Variants in BAG6 observed in about 807,000 individuals in gnomAD.
BAG6 encodes large proline-rich protein BAG6.
In BAG6, 22 loss-of-function variants were observed where a neutral mutation model predicts 121.0. The observed-to-expected ratio is 0.18, with a 90% confidence interval of 0.13 to 0.26. The LOEUF (loss-of-function observed/expected upper bound fraction) is 0.26. BAG6 is among the 10% of genes least tolerant of loss of function. BAG6 has a pLI of 1.00. For missense variants in BAG6, 1,233 were observed against 1,537.7 expected (o/e 0.80, Z 3.31); for synonymous variants, 583 against 584.6 (o/e 1.00, Z 0.04).
In BAG6 at chr6:31,648,717, T is replaced by C. The variant is rs1443887474; in HGVS notation, c.512A>G (p.His171Arg). 6.2e-7 allele frequency: 1 copy of C among 1,614,098 alleles called. No homozygotes were observed. Among genetic ancestry groups the C allele is most frequent in the Admixed American group, 1.7e-5 (1 of 60,002 alleles). ...TAAGGTCTGTATATCCCTGATCATGTGCTGAGCCATCACCAGCCGTACCCG... is the reference window on the plus strand; with the variant it reads ...TAAGGTCTGTATATCCCTGATCATGCGCTGAGCCATCACCAGCCGTACCCG... ...EPRVRLVMAQ[H>R]MIRDIQTLLS... Residue 171 changes from histidine (H) to arginine (R), a missense_variant, in exon 6 of 26, where the codon CAC (histidine) becomes CGC (arginine). By Grantham distance (29) the His-to-Arg change is conservative. Coordinates refer to ENST00000676615, the MANE Select transcript of BAG6 (RefSeq NM_001387994.1).
rs985413078 is a variant in BAG6, at chr6:31,640,451, C to T, written c.3072G>A (p.Gly1024=). 6.2e-7 allele frequency: 1 copy of T among 1,613,576 alleles called. No homozygotes were observed. Among genetic ancestry groups the T allele is most frequent in the Admixed American group, 1.7e-5 (1 of 60,024 alleles). ...CTCCATCCTGTTCATCCCGGGAGCC[C>T]CCCTCAGGAGCAGGAGGTGGACCTC... ...MSRGPPPAPE[G]GSRDEQDGAS... The change falls in exon 23 of 26, where the codon GGG becomes GGA. Residue 1024 remains glycine (G), a synonymous_variant. Coordinates refer to ENST00000676615, the MANE Select transcript of BAG6 (RefSeq NM_001387994.1). This position sits in a 1 kb window ranked among gnomAD's most constrained non-coding sequence, Gnocchi z 4.2.
chr6:31,647,373 A>G (rs1414235899), intron 7 of BAG6, among the ~76,000 whole-genome samples: 1 of 152,140 alleles, frequency 6.6e-6, no homozygotes, highest in Non-Finnish European at 1.5e-5. Context: ...AGGAGATACC[A>G]TTTGGATTTC....
intron 2 of BAG6, among the ~76,000 whole-genome samples, chr6:31,651,247 T>G (rs3115669): frequency 0.91 from 139,167 of 152,328 alleles, 63,784 homozygotes; most frequent in East Asian, 1. Context: ...TCAATAAAAA[T>G]AAAATCTGAG....
rs1786320735 is a variant in BAG6 at position 31,644,303 on chromosome 6, T to C, written c.1555+4A>G. Reference sequence around the variant, plus strand: ...CTCCCAAGCCTCCCCTTCCAGGTCATTACCTGCGGCCGCGGAGGCAACAGC... The same window carrying C: ...CTCCCAAGCCTCCCCTTCCAGGTCACTACCTGCGGCCGCGGAGGCAACAGC... On this transcript the variant is annotated splice_donor_region_variant and intron_variant, in intron 12 of 25. Transcript: ENST00000676615. The surrounding 1 kb of genome is among the most constrained non-coding windows in gnomAD (Gnocchi z 4.9). The C allele has an allele frequency of 1.3e-6, 2 of 1,552,566 alleles. No individual in the cohort carries two copies. Among genetic ancestry groups the C allele is most frequent in the South Asian group, 1.2e-5 (1 of 84,298 alleles).
At chr6:31,651,604 C>T in intron 2 of BAG6, 52 bp downstream of exon 2, 1 of 1,502,798 alleles carries the variant, frequency 6.7e-7, no homozygotes, top group Non-Finnish European at 9.3e-7. Flanking sequence ...GGCTAAGGGG[C>T]CTAAACGAGG....
Position 31,642,278 on chromosome 6 carries a change from A to T in BAG6, c.2169T>A (p.Leu723=), listed in dbSNP as rs752719899. The part of the protein sequence containing the change: ...GGAGSPGGLG[L]ESLSPEFFTS... ...TAAAAAACTCCGGTGACAGGCTCTC[A>T]AGACCCAGGCCTCCAGGACTCCCTG... Residue 723 remains leucine (L), a synonymous_variant, in exon 16 of 26, where the codon CTT becomes CTA. Coordinates refer to ENST00000676615, the MANE Select transcript of BAG6 (RefSeq NM_001387994.1). 1 of 1,603,072 alleles carries T rather than the reference A, an allele frequency of 6.2e-7. No individual in the cohort carries two copies.
At chr6:31,650,480 G>A (rs1204953558) in intron 2 of BAG6, among the ~76,000 whole-genome samples, 3 of 152,038 alleles carry the variant, frequency 2.0e-5, no homozygotes, top group East Asian at 1.9e-4. Flanking sequence ...TGGCCAACAC[G>A]GTAAAACCCT....
chr6:31,649,582 T>C lies in BAG6; in HGVS notation c.154A>G (p.Ile52Val). 6.2e-7 allele frequency: 1 copy of C among 1,614,206 alleles called. No individual in the cohort carries two copies. Among genetic ancestry groups the C allele is most frequent in the Non-Finnish European group, 8.5e-7 (1 of 1,180,046 alleles). Reference sequence around the variant, plus strand: ...ATGAGCCGTTGTTTTTCAGATGGGATGCTGACAGAGGCAGCAATGTGCTCC... The same window carrying C: ...ATGAGCCGTTGTTTTTCAGATGGGACGCTGACAGAGGCAGCAATGTGCTCC... ...FKEHIAASVS[I>V]PSEKQRLIYQ... is the part of the protein sequence containing the mutation. Residue 52 changes from isoleucine (I) to valine (V), a missense_variant, in exon 3 of 26, where the codon ATC (isoleucine) becomes GTC (valine). Physicochemically the swap from Ile to Val is conservative, Grantham distance 29. Transcript: ENST00000676615.
In BAG6 at chr6:31,640,268, C is replaced by T; in HGVS notation, c.3177G>A (p.Gln1059=). 2 of 1,614,190 alleles carry T rather than the reference C, an allele frequency of 1.2e-6. No individual in the cohort carries two copies. The highest frequency in any genetic ancestry group is 1.1e-5 in the South Asian group (1 of 91,088). Residue 1059 remains glutamine (Q), a synonymous_variant, in exon 24 of 26, where the codon CAG becomes CAA. Transcript: ENST00000676615. The surrounding 1 kb of genome is among the most constrained non-coding windows in gnomAD (Gnocchi z 4.2). ...GAGGGGGCTGCGGTTTCACCTTCCG[C>T]TGGCTCTGAATGTCCTGCTGGATAA... The part of the protein sequence containing the change: ...VPIIQQDIQS[Q]RKVKPQPPLS...
In BAG6 at chr6:31,651,468, G is replaced by A. The variant is rs555360130; in HGVS notation, c.108+188C>T. On this transcript the variant is annotated intron_variant, in intron 2 of 25. Transcript: ENST00000676615. ...ATAGGAAAATCGCTTGAACCCAAGAGGTGGAAGTTTCAGTGAGTCGAGATC... is the reference window on the plus strand; with the variant it reads ...ATAGGAAAATCGCTTGAACCCAAGAAGTGGAAGTTTCAGTGAGTCGAGATC... Among the ~76,000 whole-genome samples the A allele has an allele frequency of 4.6e-5, 7 of 152,324 alleles. No individual in the cohort carries two copies. In the Middle Eastern group the frequency reaches 0.01, roughly 222 times the overall value.
chr6:31,646,391 C>T lies in BAG6; in HGVS notation c.918+3G>A. The T allele has an allele frequency of 1.9e-6, 3 of 1,612,488 alleles. No homozygotes were observed. Among genetic ancestry groups the T allele is most frequent in the Non-Finnish European group, 2.5e-6 (3 of 1,179,716 alleles). ...GAAAGGGCAGGGCCATCAAAGGGCT[C>T]ACATTGTTATTGTAGTCCGTGGTGG... On this transcript the variant is annotated splice_donor_region_variant and intron_variant, in intron 8 of 25. Coordinates refer to ENST00000676615, the MANE Select transcript of BAG6 (RefSeq NM_001387994.1).
chr6:31,642,522 T>C, intron 15 of BAG6, 119 bp from the exon 16 acceptor site: 1 of 640,550 alleles, frequency 1.6e-6, no homozygotes. Context: ...AGTTACATTC[T>C]GATCTTCACT....
Position 31,641,280 on chromosome 6 carries a change from G to A in BAG6, c.2662+40C>T. ...GCTGGCACGTGGCAGCCCTGCACAT[G>A]CAACAGGCCCCACTTGCCCCCGCCT... On this transcript the variant is annotated intron_variant, in intron 19 of 25. Coordinates refer to ENST00000676615, the MANE Select transcript of BAG6 (RefSeq NM_001387994.1). This position sits in a 1 kb window ranked among gnomAD's most constrained non-coding sequence, Gnocchi z 5.7. 6.2e-7 allele frequency: 1 copy of A among 1,613,764 alleles called. No individual in the cohort carries two copies. The highest frequency in any genetic ancestry group is 2.2e-5 in the East Asian group (1 of 44,874).
At position 31,644,984 on chromosome 6, in the gene BAG6, C is replaced by T; in HGVS notation, c.1331G>A (p.Ser444Asn). The part of the protein sequence containing the change: ...HPRVIRISHQ[S>N]VEPVVMMHMN... ...GTGCATCATGACCACGGGTTCCACA[C>T]TCTGGTGGGAAATCCGGATGACCCT... is the stretch of plus-strand genomic sequence containing the variant. Residue 444 changes from serine to asparagine, a missense_variant, in exon 10 of 26, where the codon AGT (serine) becomes AAT (asparagine). Physicochemically the swap from Ser to Asn is conservative, Grantham distance 46. Around this residue, in one of 7 missense-constraint regions of BAG6, gnomAD observed 777 missense variants for 861.4 expected, o/e 0.90. Coordinates refer to ENST00000676615, the MANE Select transcript of BAG6 (RefSeq NM_001387994.1). This position sits in a 1 kb window ranked among gnomAD's most constrained non-coding sequence, Gnocchi z 4.9. The T allele has an allele frequency of 6.2e-7, 1 of 1,604,874 alleles. No homozygotes were observed. Among genetic ancestry groups the T allele is most frequent in the Non-Finnish European group, 8.5e-7 (1 of 1,175,334 alleles).
rs749692025 is a variant in BAG6, at chr6:31,639,581, G to A, written c.3312C>T (p.Ala1104=). 12 of 1,613,864 alleles carry A rather than the reference G, an allele frequency of 7.4e-6. No homozygotes were observed. The highest frequency in any genetic ancestry group is 2.7e-5 in the African/African-American group (2 of 74,886). ...SEAVSRAAKA[A]GARPLTSPES... is the part of the protein sequence containing the mutation. The stretch of plus-strand genomic sequence containing the variant: ...CGGGGCTCGTCAGGGGCCGAGCTCC[G>A]GCTGCCTTAGCTGCCCGGCTCACAG... The change falls in exon 25 of 26, where the codon GCC becomes GCT. Residue 1104 remains alanine (A), a synonymous_variant. Coordinates refer to ENST00000676615, the MANE Select transcript of BAG6 (RefSeq NM_001387994.1).
intron 1 of BAG6, chr6:31,652,028 G>A (rs1797400039): frequency 4.7e-6 from 2 of 427,962 alleles, no homozygotes; most frequent in East Asian, 3.5e-5. Flanking sequence ...CAATAAGCAG[G>A]GAGCCAGTCA....
chr6:31,640,169 G>A lies in BAG6; in HGVS notation c.3246+30C>T, dbSNP rs761169861. ...GGCATGACGGGGAAACCTGGATAGA[G>A]AGAGAGGCTTAGGGAAGAGGAAAAC... On this transcript the variant is annotated intron_variant, in intron 24 of 25. Transcript: ENST00000676615. The surrounding 1 kb of genome is among the most constrained non-coding windows in gnomAD (Gnocchi z 4.2). The A allele has an allele frequency of 5.0e-6, 8 of 1,601,422 alleles. No individual in the cohort carries two copies. Among genetic ancestry groups the A allele is most frequent in the Non-Finnish European group, 6.0e-6 (7 of 1,169,156 alleles).
chr6:31,642,903 C>A lies in BAG6; in HGVS notation c.1969G>T (p.Val657Leu). Residue 657 changes from valine (V) to leucine (L), a missense_variant, in exon 15 of 26, where the codon GTG (valine) becomes TTG (leucine). Coordinates refer to ENST00000676615, the MANE Select transcript of BAG6 (RefSeq NM_001387994.1). ...PAGPGAGGSG[V>L]ASPTITVAMP... ...GCCACAGTGATGGTGGGAGAAGCCA[C>A]ACCAGACCCTCCAGCCCCTGGCCCT... 6.2e-7 allele frequency: 1 copy of A among 1,611,986 alleles called. No individual in the cohort carries two copies. The highest frequency in any genetic ancestry group is 1.1e-5 in the South Asian group (1 of 90,714).
Position 31,644,352 on chromosome 6 carries a change from T to C in BAG6, c.1510A>G (p.Ile504Val). The change falls in exon 12 of 26, where the codon ATC becomes GTC. Residue 504 changes from isoleucine to valine, a missense_variant. Around this residue, in one of 7 missense-constraint regions of BAG6, gnomAD observed 777 missense variants for 861.4 expected, o/e 0.90. Coordinates refer to ENST00000676615, the MANE Select transcript of BAG6 (RefSeq NM_001387994.1). The surrounding 1 kb of genome is among the most constrained non-coding windows in gnomAD (Gnocchi z 4.9). ...GCTGCCACCATGGCCTGATGAGTGA[T>C]CTGGTGGGCGACGGCGTGCATGAAC... Reference protein sequence around the residue: ...PEFMHAVAHQITHQAMVAAVA... With the variant: ...PEFMHAVAHQVTHQAMVAAVA... 6.4e-7 allele frequency: 1 copy of C among 1,551,498 alleles called. No individual in the cohort carries two copies. The highest frequency in any genetic ancestry group is 1.2e-5 in the South Asian group (1 of 83,822).
Sources: gnomAD v4.1 joint callset for allele counts (sites outside exome capture counted in the v4.1 genomes callset) on GRCh38, gnomAD v4.1.1 for gene constraint, gnomAD v4.1.1 regional missense constraint, Gnocchi (gnomAD v3.1) non-coding constraint, MANE v1.5 for transcripts, NCBI Gene and HGNC (gene_info 2026-07-23, HGNC 2026-07-21) for gene names.